Variants in SPTBN5 observed in about 807,000 individuals in gnomAD.
SPTBN5 encodes the protein spectrin beta chain, non-erythrocytic 5.
In SPTBN5, 513 loss-of-function variants were observed where a neutral mutation model predicts 477.6. That is an observed-to-expected ratio of 1.07 (90% CI 1.00 to 1.16). The LOEUF (loss-of-function observed/expected upper bound fraction) is 1.16, where lower values mean the gene tolerates loss of function less well. Ranked by LOEUF, SPTBN5 falls within the 50% of genes most tolerant of loss-of-function variation. SPTBN5 has a pLI of 0.00. For missense variants in SPTBN5, 5,062 were observed against 4,731.8 expected (o/e 1.07, Z -2.05); for synonymous variants, 2,169 against 2,011.7 (o/e 1.08, Z -2.09).
intron 53 of SPTBN5, among the ~76,000 whole-genome samples, chr15:41,856,116 T>C (rs886563514): frequency 2.0e-5 from 3 of 152,256 alleles, no homozygotes; most frequent in African/African-American, 2.4e-5. Flanking sequence ...TGTGAAGTAA[T>C]TGAGGTATAA....
chr15:41,882,820 C>A, intron 9 of SPTBN5, 82 bp from the exon 10 acceptor site: 1 of 1,495,344 alleles, frequency 6.7e-7, no homozygotes, highest in Non-Finnish European at 9.0e-7. Flanking sequence ...TTAGACACTC[C>A]CCTTAGACAG....
rs75456764 is a variant in SPTBN5 at position 41,851,340 on chromosome 15, G to A, written c.10686C>T (p.Arg3562=). 9.9e-4 allele frequency: 1,540 copies of A among 1,550,918 alleles called. 17 individuals are homozygous for A. The African/African-American group carries it at 0.016, about 16-fold the overall frequency. ...TCAGAGAGCTGCCCTGCAAGTTCCC[G>A]CGGCAGCTGTCCCAGGAGCTCGAGC... The part of the protein sequence containing the change: ...QPSSSSWDSC[R]GNLQGSSLSL... Residue 3562 remains arginine (R), a synonymous_variant, in exon 64 of 68, where the codon CGC becomes CGT. Transcript: ENST00000320955.
At position 41,870,340 on chromosome 15, in the gene SPTBN5, C is replaced by A. The variant is rs2066490731; in HGVS notation, c.5576G>T (p.Ser1859Ile). 2 of 1,571,982 alleles carry A rather than the reference C, an allele frequency of 1.3e-6. No homozygotes were observed. Among genetic ancestry groups the A allele is most frequent in the Non-Finnish European group, 1.7e-6 (2 of 1,159,016 alleles). Residue 1859 changes from serine (S) to isoleucine (I), a missense_variant, in exon 31 of 68, where the codon AGC becomes ATC. Ser to Ile is a moderately radical substitution (Grantham distance 142). Coordinates refer to ENST00000320955, the MANE Select transcript of SPTBN5 (RefSeq NM_016642.4). ...GTCCCGTGCCACATTGTTGGGGAGG[C>A]TCGTGGCTTTCTCCTGAGGAAGGGA... ...VLTQVQEKAT[S>I]LPNNVARDLC...
At position 41,871,534 on chromosome 15, in the gene SPTBN5, A is replaced by G; in HGVS notation, c.5302-14T>C. On this transcript the variant is annotated splice_polypyrimidine_tract_variant and intron_variant, in intron 28 of 67. Coordinates refer to ENST00000320955, the MANE Select transcript of SPTBN5 (RefSeq NM_016642.4). The stretch of plus-strand genomic sequence containing the variant: ...GGTGCAGAGGTGCTGAGAAGAGGGG[A>G]GTGGGTGACAGGGTAGCCCCCAGCT... The G allele has an allele frequency of 1.4e-6, 2 of 1,461,046 alleles. No homozygotes were observed. Among genetic ancestry groups the G allele is most frequent in the South Asian group, 1.4e-5 (1 of 69,858 alleles). The allele number at this position is 1,461,046 out of a possible 1,614,324, so 90.5% of individuals were successfully genotyped here.
chr15:41,850,206 G>A (rs1022592419), intron 66 of SPTBN5: 2 of 503,324 alleles, frequency 4.0e-6, no homozygotes, highest in African/African-American at 3.9e-5. Flanking sequence ...TTCTTAGGAG[G>A]TGGGAAATTC....
chr15:41,862,713 A>G, intron 42 of SPTBN5, 53 bp from the exon 43 acceptor site: 1 of 1,540,378 alleles, frequency 6.5e-7, no homozygotes, highest in Non-Finnish European at 8.7e-7. Context: ...TGGGCCACCC[A>G]AGCCCCTCCT....
At chr15:41,852,604 C>G (rs377196982) in intron 61 of SPTBN5, 30 bp downstream of exon 61, 104 of 1,599,240 alleles carry the variant, frequency 6.5e-5, no homozygotes, top group Non-Finnish European at 8.7e-5. Context: ...CCCCCACCAG[C>G]CCTCAGCCCC....
At chr15:41,882,819 C>A (rs1469942441) in intron 9 of SPTBN5, 81 bp from the exon 10 acceptor site, 21 of 1,496,848 alleles carry the variant, frequency 1.4e-5, no homozygotes, top group South Asian at 3.8e-5. Context: ...TTTAGACACT[C>A]CCCTTAGACA....
chr15:41,857,098 T>C, intron 51 of SPTBN5, 59 bp from the exon 52 acceptor site: 3 of 1,538,872 alleles, frequency 1.9e-6, no homozygotes, highest in Non-Finnish European at 2.6e-6. Flanking sequence ...GTATTAGGGA[T>C]ACCTGGTGAC....
At chr15:41,886,497 G>T in intron 6 of SPTBN5, 131 bp from the exon 7 acceptor site, 1 of 1,057,200 alleles carries the variant, frequency 9.5e-7, no homozygotes, top group Non-Finnish European at 1.3e-6. Context: ...TGAAGTGGTG[G>T]TACCCCCACC....
intron 27 of SPTBN5, 92 bp from the exon 28 acceptor site, chr15:41,872,009 G>T: frequency 1.4e-6 from 2 of 1,406,974 alleles, no homozygotes; most frequent in East Asian, 5.1e-5. Flanking sequence ...TGAAAACTGG[G>T]GTTACTCATG....
chr15:41,881,857 C>T, intron 12 of SPTBN5, 79 bp downstream of exon 12: 13 of 1,358,126 alleles, frequency 9.6e-6, no homozygotes, highest in Non-Finnish European at 1.2e-5. Flanking sequence ...CACAAAGGCC[C>T]TCCCATTTTT....
In SPTBN5 at chr15:41,871,781, C is replaced by G; in HGVS notation, c.5301+1G>C. 1 of 1,581,586 alleles carries G rather than the reference C, an allele frequency of 6.3e-7. No individual in the cohort carries two copies. The highest frequency in any genetic ancestry group is 2.3e-5 in the East Asian group (1 of 43,268). ...CTCCTTGACCCTGGCCCTCTTCTCA[C>G]CAGGGCGTGCTCGGGGTCCTCTCCC... is the stretch of plus-strand genomic sequence containing the variant. On this transcript the variant is annotated splice_donor_variant, in intron 28 of 67. Transcript: ENST00000320955. LOFTEE classifies it high-confidence loss of function.
chr15:41,879,426 G>A lies in SPTBN5; in HGVS notation c.3016C>T (p.Leu1006=), dbSNP rs1484081571. ...ACCTGTGTGGGTCCACACTCCTGCA[G>A]AAAACTGCACACTTCCACACTGTGT... ...LAHSVEVCSF[L]QECGPTQVQL... Residue 1006 remains leucine, a synonymous_variant, in exon 16 of 68, where the codon CTG becomes TTG. Transcript: ENST00000320955. 1.4e-5 allele frequency: 23 copies of A among 1,609,624 alleles called. No individual in the cohort carries two copies. The highest frequency in any genetic ancestry group is 2.0e-5 in the Non-Finnish European group (23 of 1,179,236).
rs993559533 is a variant in SPTBN5 at position 41,848,546 on chromosome 15, G to A, written c.*70C>T. On this transcript the variant is annotated 3_prime_UTR_variant, in exon 68 of 68. Coordinates refer to ENST00000320955, the MANE Select transcript of SPTBN5 (RefSeq NM_016642.4). ...AAGGAGCCCTTTTGCCTGTAGCTGA[G>A]TCTTATTCTGGTCCCTTAGATGTGT... 8.8e-6 allele frequency: 14 copies of A among 1,591,896 alleles called. No individual in the cohort carries two copies. In the African/African-American group the frequency reaches 1.5e-4, roughly 17 times the overall value.
intron 13 of SPTBN5, 79 bp from the exon 14 acceptor site, chr15:41,880,391 C>T: frequency 3.5e-6 from 5 of 1,427,508 alleles, no homozygotes; most frequent in Non-Finnish European, 4.7e-6. Context: ...AGGGGTGCTC[C>T]TCCCCATCCC....
At chr15:41,879,228 G>A (rs1397113592) in intron 16 of SPTBN5, 32 bp downstream of exon 16, 2 of 1,584,340 alleles carry the variant, frequency 1.3e-6, no homozygotes, top group Non-Finnish European at 1.7e-6. Flanking sequence ...GGTCCTCACT[G>A]CCTCCCAATG....
chr15:41,882,340 C>T lies in SPTBN5; in HGVS notation c.2176G>A (p.Gly726Arg). Reference protein sequence around the residue: ...PGERAEAVQGGWQLLQTRVVG... With the variant: ...PGERAEAVQGRWQLLQTRVVG... Reference sequence around the variant, plus strand: ...ACCCGGGTCTGGAGCAGCTGCCACCCTCCCTGAACGGCCTCTGCCCGTTCC... The same window carrying T: ...ACCCGGGTCTGGAGCAGCTGCCACCTTCCCTGAACGGCCTCTGCCCGTTCC... The change falls in exon 11 of 68, where the codon GGG becomes AGG. Residue 726 changes from glycine (G) to arginine (R), a missense_variant. By Grantham distance (125) the Gly-to-Arg change is moderately radical. Transcript: ENST00000320955. 1.3e-6 allele frequency: 2 copies of T among 1,534,958 alleles called. No homozygotes were observed. Among genetic ancestry groups the T allele is most frequent in the Non-Finnish European group, 1.7e-6 (2 of 1,146,144 alleles).
chr15:41,887,838 G>C, intron 5 of SPTBN5, 90 bp downstream of exon 5: 2 of 1,332,406 alleles, frequency 1.5e-6, no homozygotes, highest in Non-Finnish European at 1.0e-6. Context: ...TTCAAGCCTA[G>C]GGATGTGGGA....
Sources: allele counts gnomAD v4.1 joint callset (sites outside exome capture counted in the v4.1 genomes callset), GRCh38; gene constraint gnomAD v4.1.1; transcripts MANE v1.5; gene names NCBI Gene and HGNC (gene_info 2026-07-23, HGNC 2026-07-21).